The following INPP5K variants were observed in gnomAD, a reference collection of about 807,000 sequenced individuals.
INPP5K encodes the protein inositol polyphosphate-5-phosphatase K.
Under a neutral mutation model 53.5 loss-of-function variants are expected in INPP5K, and 35 were observed. The ratio of observed to expected loss-of-function variants is 0.65; its 90% confidence interval spans 0.50 to 0.87. The LOEUF (loss-of-function observed/expected upper bound fraction) is 0.87, where lower values mean the gene tolerates loss of function less well. Among genes scored for constraint, INPP5K ranks in the 40% least tolerant of loss-of-function variants. The pLI is 0.00. For missense variants in INPP5K, 550 were observed against 586.2 expected (o/e 0.94, Z 0.64); for synonymous variants, 253 against 232.8 (o/e 1.09, Z -0.79).
chr17:1,515,250 G>C (rs1259108933), intron 1 of INPP5K, among the ~76,000 whole-genome samples: 1 of 152,186 alleles, frequency 6.6e-6, no homozygotes, highest in Non-Finnish European at 1.5e-5. Context: ...TCTCTCTTAA[G>C]AGTCTATGCT....
intron 5 of INPP5K, 189 bp downstream of exon 5, chr17:1,508,989 C>T (rs2075235716): frequency 1.5e-5 from 8 of 529,330 alleles, no homozygotes; most frequent in Non-Finnish European, 2.6e-5. Flanking sequence ...GTCTGCAGAC[C>T]CAGGCTCACT....
At chr17:1,505,934 T>C (rs977222209) in intron 7 of INPP5K, among the ~76,000 whole-genome samples, 3 of 152,254 alleles carry the variant, frequency 2.0e-5, no homozygotes, top group African/African-American at 7.2e-5. Context: ...CCAGTGGTTC[T>C]TTCTCAGGTT....
intron 11 of INPP5K, 26 bp from the exon 12 acceptor site, chr17:1,495,905 A>G (rs1168344878): frequency 6.3e-7 from 1 of 1,596,068 alleles, no homozygotes; most frequent in Non-Finnish European, 8.6e-7. Context: ...AGGTGGTGGA[A>G]ATGGAGAGCG....
chr17:1,515,689 C>T (rs79149826), intron 1 of INPP5K: 56,817 of 831,336 alleles, frequency 0.068, 2,197 homozygotes, highest in Non-Finnish European at 0.075. Flanking sequence ...TTCTCAAAAG[C>T]ACTTCAAGAA....
In INPP5K at chr17:1,496,648, G is replaced by A. The variant is rs2074853883; in HGVS notation, c.1101+18C>T. ...AGGGGCTGTCGCTGATGGACTTCCT[G>A]CCTTGCCACCACATCACCTTGTACA... is the stretch of plus-strand genomic sequence containing the variant. On this transcript the variant is annotated intron_variant, in intron 9 of 11. Coordinates refer to ENST00000421807, the MANE Select transcript of INPP5K (RefSeq NM_016532.4). The A allele has an allele frequency of 6.2e-7, 1 of 1,613,404 alleles. No individual in the cohort carries two copies. The highest frequency in any genetic ancestry group is 1.3e-5 in the African/African-American group (1 of 74,910).
In INPP5K at chr17:1,507,091, T is replaced by G. The variant is rs1056564716; in HGVS notation, c.667-2A>C. The G allele has an allele frequency of 1.8e-5, 29 of 1,613,356 alleles. No homozygotes were observed. Among genetic ancestry groups the G allele is most frequent in the Non-Finnish European group, 2.5e-5 (29 of 1,179,376 alleles). On this transcript the variant is annotated splice_acceptor_variant, in intron 6 of 11. Coordinates refer to ENST00000421807, the MANE Select transcript of INPP5K (RefSeq NM_016532.4). LOFTEE classifies it high-confidence loss of function. ...GTCATGTTTCTTGGCAATGCTGAGC[T>G]GCAGACAAAGTCATAGTCCCCGTCT...
At chr17:1,516,228 G>A in intron 1 of INPP5K, 1 of 889,668 alleles carries the variant, frequency 1.1e-6, no homozygotes, top group South Asian at 2.0e-5. Flanking sequence ...GAAAGCAACC[G>A]GGACACCTGC....
intron 1 of INPP5K, among the ~76,000 whole-genome samples, chr17:1,514,611 AG>A (rs1310050762): frequency 6.6e-6 from 1 of 152,138 alleles, no homozygotes; most frequent in Non-Finnish European, 1.5e-5. Flanking sequence ...GCGAAGGGTT[AG>A]GGGGCTGAAC....
intron 7 of INPP5K, among the ~76,000 whole-genome samples, chr17:1,504,697 C>T (rs1466665126): frequency 2.6e-5 from 4 of 152,220 alleles, no homozygotes; most frequent in African/African-American, 7.2e-5. Context: ...GTTTACCTAA[C>T]GAGGACATGG....
chr17:1,498,164 A>G, intron 7 of INPP5K, 42 bp from the exon 8 acceptor site: 14 of 1,532,664 alleles, frequency 9.1e-6, no homozygotes, highest in Non-Finnish European at 1.2e-5. Context: ...TGGGGAAAGA[A>G]GAAAGGGTTG....
At position 1,496,077 on chromosome 17, in the gene INPP5K, T is replaced by A. The variant is rs1403401272; in HGVS notation, c.1273A>T (p.Ile425Leu). Reference sequence around the variant, plus strand: ...CTGCTTACCTGGAAGGGTCTGCTTATCCCCACCACAGAACGCAGACTGTTG... The same window carrying A: ...CTGCTTACCTGGAAGGGTCTGCTTAACCCCACCACAGAACGCAGACTGTTG... ...YSNSLRSVVG[I>L]SRPFQIPPGS... The change falls in exon 11 of 12, where the codon ATA becomes TTA. Residue 425 changes from isoleucine (I) to leucine (L), a missense_variant. Ile to Leu is a conservative substitution (Grantham distance 5). Transcript: ENST00000421807. 1 of 1,610,154 alleles carries A rather than the reference T, an allele frequency of 6.2e-7. No individual in the cohort carries two copies. The highest frequency in any genetic ancestry group is 8.5e-7 in the Non-Finnish European group (1 of 1,176,512).
chr17:1,516,393 C>T, intron 1 of INPP5K, 63 bp downstream of exon 1: 1 of 1,521,152 alleles, frequency 6.6e-7, no homozygotes, highest in South Asian at 1.2e-5. Flanking sequence ...CACCCCCAGC[C>T]CGCAGCCCAA....
rs374348008 is a variant in INPP5K at position 1,495,797 on chromosome 17, C to T, written c.*26G>A. The stretch of plus-strand genomic sequence containing the variant: ...AGAGCTGGCTGCCAGCTCTGGCCTC[C>T]GCCTGGGATTCACTCCCATCCTGGC... On this transcript the variant is annotated 3_prime_UTR_variant, in exon 12 of 12. Coordinates refer to ENST00000421807, the MANE Select transcript of INPP5K (RefSeq NM_016532.4). 1.6e-4 allele frequency: 255 copies of T among 1,590,964 alleles called. No homozygotes were observed. Among genetic ancestry groups the T allele is most frequent in the Non-Finnish European group, 2.0e-4 (235 of 1,161,116 alleles).
chr17:1,513,540 C>G lies in INPP5K; in HGVS notation c.174G>C (p.Gly58=), dbSNP rs1156698622. The change falls in exon 3 of 12, where the codon GGG becomes GGC. Residue 58 remains glycine, a synonymous_variant. Coordinates refer to ENST00000421807, the MANE Select transcript of INPP5K (RefSeq NM_016532.4). ...YVIGLQELNS[G]IISLLSDAAF... is the part of the protein sequence containing the mutation. Reference sequence around the variant, plus strand: ...CAGCATCGGAAAGGAGGCTTATGATCCCAGAGTTCAATTCCTGCAAACTGA... The same window carrying G: ...CAGCATCGGAAAGGAGGCTTATGATGCCAGAGTTCAATTCCTGCAAACTGA... 2 of 1,614,262 alleles carry G rather than the reference C, an allele frequency of 1.2e-6. No individual in the cohort carries two copies. The highest frequency in any genetic ancestry group is 1.7e-6 in the Non-Finnish European group (2 of 1,180,030).
chr17:1,514,998 C>T (rs914927450), intron 1 of INPP5K, among the ~76,000 whole-genome samples: 57 of 151,702 alleles, frequency 3.8e-4, no homozygotes, highest in African/African-American at 1.4e-3. Context: ...CCTCCGCCTC[C>T]CAGGTTCCAG....
At chr17:1,506,589 A>G (rs1451326548) in intron 7 of INPP5K, among the ~76,000 whole-genome samples, 1 of 152,172 alleles carries the variant, frequency 6.6e-6, no homozygotes, top group East Asian at 1.9e-4. Context: ...AGGCTGGGGC[A>G]GGCGTCCTTA....
intron 7 of INPP5K, among the ~76,000 whole-genome samples, chr17:1,502,263 G>T (rs1033552976): frequency 4.6e-5 from 7 of 152,116 alleles, no homozygotes; most frequent in Non-Finnish European, 8.8e-5. Context: ...GCAAGAGAAT[G>T]GCGTGAACCC....
rs1598356249 is a variant in INPP5K, at chr17:1,495,768, A to G, written c.*55T>C. 7.3e-7 allele frequency: 1 copy of G among 1,360,730 alleles called. No homozygotes were observed. Among genetic ancestry groups the G allele is most frequent in the Non-Finnish European group, 1.0e-6 (1 of 957,778 alleles). The allele number at this position is 1,360,730 out of a possible 1,614,324, so 84.3% of individuals were successfully genotyped here. The stretch of plus-strand genomic sequence containing the variant: ...GCCCCCAGCACTCCCGGCAGTGGAA[A>G]GGCAGAGCTGGCTGCCAGCTCTGGC... On this transcript the variant is annotated 3_prime_UTR_variant, in exon 12 of 12. Coordinates refer to ENST00000421807, the MANE Select transcript of INPP5K (RefSeq NM_016532.4).
intron 8 of INPP5K, among the ~76,000 whole-genome samples, chr17:1,497,315 A>C (rs1328987445): frequency 1.3e-5 from 2 of 152,224 alleles, no homozygotes; most frequent in South Asian, 4.1e-4. Flanking sequence ...TCTACAAAAA[A>C]TACATAACAG....
Sources: allele counts gnomAD v4.1 joint callset (sites outside exome capture counted in the v4.1 genomes callset), GRCh38; gene constraint gnomAD v4.1.1; transcripts MANE v1.5; gene names NCBI Gene and HGNC (gene_info 2026-07-23, HGNC 2026-07-21).